PRKD3: variants seen among roughly 807,000 people sequenced by gnomAD.
PRKD3 encodes protein kinase D3.
A neutral mutation model predicts 99.2 loss-of-function variants in PRKD3; 47 were observed. The ratio of observed to expected loss-of-function variants is 0.47; its 90% CI spans 0.38 to 0.60. The LOEUF (loss-of-function observed/expected upper bound fraction) is 0.60, where lower values mean the gene tolerates loss of function less well. Among genes scored for constraint, PRKD3 ranks in the 20% least tolerant of loss-of-function variants. PRKD3 has a pLI of 0.00. For synonymous variants in PRKD3, 392 were observed against 355.4 expected, an observed-to-expected ratio of 1.10 and a Z score of -1.16; for missense variants, 1,019 against 1,088.4, an observed-to-expected ratio of 0.94 and a Z score of 0.90.
At chr2:37,319,981 T>C (rs912795112) in intron 1 of PRKD3, among the ~76,000 whole-genome samples, 2 of 152,206 alleles carry the variant, frequency 1.3e-5, no homozygotes, top group Non-Finnish European at 2.9e-5. Context: ...GTACAAACTA[T>C]CTGTAACAAC....
rs758906259 is a variant in PRKD3 at position 37,260,179 on chromosome 2, T to C, written c.2046+44A>G. 89 of 1,519,922 alleles carry C rather than the reference T, an allele frequency of 5.9e-5. 2 individuals are homozygous for C. The East Asian group carries it at 1.7e-3, about 29-fold the overall frequency. The allele number at this position is 1,519,922 out of a possible 1,614,324, so 94.2% of individuals were successfully genotyped here. A position where few individuals can be genotyped will look rare whatever the true frequency, so the allele number is the denominator to read the frequency against. On this transcript the variant is annotated intron_variant, in intron 15 of 18. Coordinates refer to ENST00000234179, the MANE Select transcript of PRKD3 (RefSeq NM_005813.6). ...ACTCTTGTCTTAAAAAAAAAAAAATTAGTTTTTAATCGCTAGTTTAAAAAA... is the reference window on the plus strand; with the variant it reads ...ACTCTTGTCTTAAAAAAAAAAAAATCAGTTTTTAATCGCTAGTTTAAAAAA...
At position 37,253,284 on chromosome 2, in the gene PRKD3, C is replaced by G; in HGVS notation, c.2566G>C (p.Glu856Gln). 1.2e-6 allele frequency: 2 copies of G among 1,613,130 alleles called. No homozygotes were observed. The highest frequency in any genetic ancestry group is 1.7e-6 in the Non-Finnish European group (2 of 1,179,276). Reference protein sequence around the residue: ...TRIGERYITHESDDARWEIHA... With the variant: ...TRIGERYITHQSDDARWEIHA... Reference sequence around the variant, plus strand: ...ATTTCCCAGCGAGCATCATCACTTTCATGTGTAATGTAACGTTCTCCAATG... The same window carrying G: ...ATTTCCCAGCGAGCATCATCACTTTGATGTGTAATGTAACGTTCTCCAATG... The change falls in exon 19 of 19, where the codon GAA becomes CAA. Residue 856 changes from glutamate (E) to glutamine (Q), a missense_variant. By Grantham distance (29) the Glu-to-Gln change is conservative. Transcript: ENST00000234179.
Position 37,266,309 on chromosome 2 carries a change from G to C in PRKD3, c.1884+1121C>G, listed in dbSNP as rs1296811147. Among the ~76,000 whole-genome samples the C allele has an allele frequency of 2.0e-5, 3 of 152,296 alleles. No individual in the cohort carries two copies. In the East Asian group the frequency reaches 5.8e-4, roughly 29 times the overall value. ...TTGAATTTCACCCAAAGCAAATGGG[G>C]CTCTGACAGCATTAACCATTTTTTG... On this transcript the variant is annotated intron_variant, in intron 14 of 18. Transcript: ENST00000234179.
At chr2:37,283,240 A>G (rs1220779219) in intron 6 of PRKD3, among the ~76,000 whole-genome samples, 1 of 152,232 alleles carries the variant, frequency 6.6e-6, no homozygotes, top group Non-Finnish European at 1.5e-5. Flanking sequence ...GAAACTTGTT[A>G]GAAATGCAAA....
chr2:37,323,069 T>C (rs113838471), intron 1 of PRKD3, among the ~76,000 whole-genome samples: 1 of 150,436 alleles, frequency 6.6e-6, no homozygotes, highest in Non-Finnish European at 1.5e-5. Flanking sequence ...ATTCGTAATT[T>C]AAAAAAATGT....
In PRKD3 at chr2:37,272,414, A is replaced by T. The variant is rs1669328575; in HGVS notation, c.1670T>A (p.Ile557Asn). 19 of 1,607,216 alleles carry T rather than the reference A, an allele frequency of 1.2e-5. No homozygotes were observed. The highest frequency in any genetic ancestry group is 1.7e-5 in the Admixed American group (1 of 58,190). Residue 557 changes from isoleucine (I) to asparagine (N), a missense_variant, in exon 12 of 19, where the codon ATC becomes AAC. This residue lies in a region of PRKD3 where 710 missense variants were observed against 692.7 expected (regional missense o/e 1.02). Transcript: ENST00000234179. The stretch of plus-strand genomic sequence containing the variant: ...CTGAATCTGACAATTAGATACAGAG[A>T]TACTTGTAGACAAATCTTCTGTAAA... ...GKDHKDLSTS[I>N]SVSNCQIQEN...
chr2:37,280,655 A>C (rs1669813500), intron 7 of PRKD3, among the ~76,000 whole-genome samples: 1 of 152,212 alleles, frequency 6.6e-6, no homozygotes, highest in Admixed American at 6.5e-5. Context: ...TAAAACTATA[A>C]AACTCATAGG....
intron 17 of PRKD3, among the ~76,000 whole-genome samples, chr2:37,255,125 G>C (rs1319045484): frequency 6.6e-6 from 1 of 152,198 alleles, no homozygotes; most frequent in Non-Finnish European, 1.5e-5. Context: ...GAGGTCTACA[G>C]AACACACTGC....
chr2:37,276,848 A>G (rs1669597314), intron 9 of PRKD3, among the ~76,000 whole-genome samples: 1 of 150,854 alleles, frequency 6.6e-6, no homozygotes, highest in Admixed American at 6.6e-5. Flanking sequence ...ATACATATAT[A>G]TAACTTTATT....
intron 2 of PRKD3, among the ~76,000 whole-genome samples, chr2:37,304,214 A>AG (rs1558572508): frequency 1.3e-5 from 2 of 151,776 alleles, no homozygotes; most frequent in Non-Finnish European, 2.9e-5. Flanking sequence ...AAAAAAAAAA[A>AG]AAGAAGTGTT....
intron 2 of PRKD3, among the ~76,000 whole-genome samples, chr2:37,299,172 T>C (rs1670802749): frequency 6.6e-6 from 1 of 152,162 alleles, no homozygotes. Flanking sequence ...TTTTTTGGCA[T>C]CTATTGAGAT....
At chr2:37,310,024 G>A (rs1413009575) in intron 2 of PRKD3, among the ~76,000 whole-genome samples, 1 of 152,154 alleles carries the variant, frequency 6.6e-6, no homozygotes, top group East Asian at 1.9e-4. Flanking sequence ...AGGAGAATTA[G>A]TAAAGCTAAT....
At chr2:37,296,776 T>C (rs1670691975) in intron 2 of PRKD3, among the ~76,000 whole-genome samples, 2 of 151,526 alleles carry the variant, frequency 1.3e-5, no homozygotes, top group Non-Finnish European at 2.9e-5. Flanking sequence ...GGCGGGCGCC[T>C]GTAGTCCCAG....
In PRKD3 at chr2:37,282,601, T is replaced by C. The variant is rs768653905; in HGVS notation, c.929A>G (p.His310Arg). ...TGGTACTTTTGATGCACAGCGTTTA[T>C]GGCAGTTGAATTTGCAATCTAAAAT... is the stretch of plus-strand genomic sequence containing the variant. ...MQCKDCKFNCHKRCASKVPRD... is the reference protein window; with the variant it reads ...MQCKDCKFNCRKRCASKVPRD... The change falls in exon 7 of 19, where the codon CAT becomes CGT. Residue 310 changes from histidine (H) to arginine (R), a missense_variant. Around this residue, in one of 3 missense-constraint regions of PRKD3, gnomAD observed 710 missense variants for 692.7 expected, o/e 1.02. Transcript: ENST00000234179. The C allele has an allele frequency of 1.9e-6, 3 of 1,601,382 alleles. No homozygotes were observed. The highest frequency in any genetic ancestry group is 3.3e-5 in the Admixed American group (2 of 59,972).
intron 2 of PRKD3, among the ~76,000 whole-genome samples, chr2:37,313,648 T>A (rs1671538646): frequency 6.6e-6 from 1 of 152,132 alleles, no homozygotes; most frequent in Admixed American, 6.5e-5. Context: ...TGAAAAGATA[T>A]CACAATGCAA....
intron 2 of PRKD3, among the ~76,000 whole-genome samples, chr2:37,305,013 T>C (rs949901906): frequency 8.5e-5 from 13 of 152,162 alleles, no homozygotes; most frequent in East Asian, 5.8e-4. Flanking sequence ...CTGCCTGACA[T>C]TGATTTTGCC....
chr2:37,300,740 A>G (rs1670887774), intron 2 of PRKD3, among the ~76,000 whole-genome samples: 1 of 152,208 alleles, frequency 6.6e-6, no homozygotes, highest in Non-Finnish European at 1.5e-5. Context: ...ATCTCTTGTG[A>G]GTATGAGCAA....
intron 2 of PRKD3, among the ~76,000 whole-genome samples, chr2:37,306,190 T>C (rs553528690): frequency 1.9e-4 from 29 of 151,976 alleles, no homozygotes; most frequent in Non-Finnish European, 3.7e-4. Flanking sequence ...TCCCTCAATA[T>C]CAGTTTTCTC....
At chr2:37,296,487 G>A (rs1442516800) in intron 2 of PRKD3, among the ~76,000 whole-genome samples, 1 of 151,706 alleles carries the variant, frequency 6.6e-6, no homozygotes, top group South Asian at 2.1e-4. Flanking sequence ...TCATCTATAC[G>A]ACAGACAAAT....
Sources: allele counts gnomAD v4.1 joint callset (sites outside exome capture counted in the v4.1 genomes callset), GRCh38; gene constraint gnomAD v4.1.1; regional missense constraint gnomAD v4.1.1; transcripts MANE v1.5; gene names NCBI Gene and HGNC (gene_info 2026-07-23, HGNC 2026-07-21).